Variants in FGF13 observed in about 807,000 individuals in gnomAD.
The protein encoded by FGF13 is fibroblast growth factor homologous factor 2.
In FGF13, 2 loss-of-function variants were observed where a neutral mutation model predicts 19.5. That is an observed-to-expected ratio of 0.10 (90% CI 0.04 to 0.32). The LOEUF (loss-of-function observed/expected upper bound fraction) is 0.32, where lower values mean the gene tolerates loss of function less well. Among genes scored for constraint, FGF13 ranks in the 10% least tolerant of loss-of-function variants. FGF13 has a pLI of 1.00. For synonymous variants in FGF13, 72 were observed against 76.9 expected (o/e 0.94, Z 0.33); for missense variants, 113 against 192.7 (o/e 0.59, Z 2.45).
At chrX:138,783,737 C>A (rs2124363038) in intron 3 of FGF13, among the ~76,000 whole-genome samples, 1 of 106,857 alleles carries the variant, frequency 9.4e-6, no homozygotes, top group South Asian at 4.4e-4. Flanking sequence ...CTAGTTCAAC[C>A]ATTGTGGAAG....
chrX:138,758,169 C>T (rs983905068), intron 3 of FGF13, among the ~76,000 whole-genome samples: 2 of 111,301 alleles, frequency 1.8e-5, no homozygotes, highest in Non-Finnish European at 3.8e-5. Flanking sequence ...CCTACTACTA[C>T]ACTTCTTCCT....
intron 1 of FGF13, among the ~76,000 whole-genome samples, chrX:139,003,976 G>A (rs1023602536): frequency 1.6e-4 from 18 of 112,540 alleles, no homozygotes; most frequent in Non-Finnish European, 3.0e-4. Context: ...AGTGGATCCT[G>A]CACCGGGGCT....
At chrX:138,931,009 C>G (rs749568488) in intron 1 of FGF13, among the ~76,000 whole-genome samples, 15 of 112,545 alleles carry the variant, frequency 1.3e-4, no homozygotes, top group Non-Finnish European at 2.1e-4. Context: ...GAAATCAATT[C>G]TCTTCTGAAG....
intron 3 of FGF13, among the ~76,000 whole-genome samples, chrX:138,837,314 T>C (rs778681204): frequency 1.8e-5 from 2 of 110,887 alleles, no homozygotes; most frequent in African/African-American, 3.3e-5. Flanking sequence ...GCCCCTACCA[T>C]TGGGAGCTGC....
chrX:138,738,491 A>G (rs1310453909), intron 1 of FGF13, among the ~76,000 whole-genome samples: 1 of 111,756 alleles, frequency 8.9e-6, no homozygotes, highest in Admixed American at 9.5e-5. Context: ...CACTCCTCCA[A>G]AAGAATCCCT....
chrX:138,959,084 T>C (rs907668229), intron 1 of FGF13, among the ~76,000 whole-genome samples: 2 of 111,898 alleles, frequency 1.8e-5, no homozygotes, highest in African/African-American at 3.2e-5. Context: ...TGTTTGCTCT[T>C]GCTTCTCTAG....
rs144826465 is a variant in FGF13 at position 138,649,887 on chromosome X, A to G, written c.403-14232T>C. Among the ~76,000 whole-genome samples the G allele has an allele frequency of 8.9e-4, 100 of 112,348 alleles. 1 individual carries two copies. In the East Asian group the frequency reaches 0.023, roughly 26 times the overall value. On this transcript the variant is annotated intron_variant, in intron 3 of 4. Coordinates refer to ENST00000315930, the MANE Select transcript of FGF13 (RefSeq NM_004114.5). ...TTTGTTGTTTAGCAGAATGTGTGGT[A>G]TCACCTCTGGCTGACTTATGAAGAC...
chrX:138,728,856 A>G (rs1390832501), intron 1 of FGF13, among the ~76,000 whole-genome samples: 1 of 111,231 alleles, frequency 9.0e-6, no homozygotes, highest in East Asian at 2.9e-4. Context: ...TGGCGTTAAG[A>G]GAACAGAGAC....
intron 1 of FGF13, among the ~76,000 whole-genome samples, chrX:138,959,986 C>T (rs949727190): frequency 8.0e-5 from 9 of 112,002 alleles, no homozygotes; most frequent in Admixed American, 2.8e-4. Context: ...ATTTGCCAGT[C>T]TGTGTCTTTT....
At chrX:139,044,652 G>C (rs1030826313) in intron 1 of FGF13, among the ~76,000 whole-genome samples, 2 of 110,436 alleles carry the variant, frequency 1.8e-5, no homozygotes, top group African/African-American at 6.6e-5. Flanking sequence ...ACTCATTCCA[G>C]CATTAAAAAA....
intron 1 of FGF13, among the ~76,000 whole-genome samples, chrX:139,048,463 A>G (rs2092294589): frequency 9.0e-6 from 1 of 111,045 alleles, no homozygotes; most frequent in African/African-American, 3.3e-5. Flanking sequence ...AAACTTTAGA[A>G]TCATGATCTT....
intron 3 of FGF13, among the ~76,000 whole-genome samples, chrX:138,680,577 T>C (rs905897782): frequency 9.0e-6 from 1 of 111,428 alleles, no homozygotes; most frequent in African/African-American, 3.3e-5. Context: ...GAAAAGAATC[T>C]TTTTTTCCCC....
chrX:138,934,349 CT>C (rs1315420586), intron 1 of FGF13, among the ~76,000 whole-genome samples: 3 of 112,025 alleles, frequency 2.7e-5, no homozygotes, highest in Admixed American at 1.9e-4. Context: ...CCTTAAAAAG[CT>C]GATCAAGATA....
chrX:138,932,004 C>T (rs2091703712), intron 1 of FGF13, among the ~76,000 whole-genome samples: 1 of 110,250 alleles, frequency 9.1e-6, no homozygotes, highest in Non-Finnish European at 1.9e-5. Flanking sequence ...CAAACTATCC[C>T]CCCACCCCCC....
Position 138,711,363 on chromosome X carries a change from G to GA in FGF13, c.-361_-360insT, listed in dbSNP as rs2090046085. ...ACACCGTGCATGTCCAGCTGCTCCGGTCCGAATTTCGCCGGACCCCCTCGC... is the reference window on the plus strand; with the variant it reads ...ACACCGTGCATGTCCAGCTGCTCCGGATCCGAATTTCGCCGGACCCCCTCGC... On this transcript the variant is annotated 5_prime_UTR_variant, in exon 1 of 5. Transcript: ENST00000315930. The GA allele has an allele frequency of 1.5e-5, 7 of 451,873 alleles. No homozygotes were observed. In the South Asian group the frequency reaches 8.2e-4, roughly 53 times the overall value. 37.2% of individuals were successfully genotyped at this position (451,873 alleles called of 1,213,427 possible).
At position 139,118,256 on chromosome X, in the gene FGF13, A is replaced by G. The variant is rs774367195; in HGVS notation, c.-113+85160T>C. Among the ~76,000 whole-genome samples, 7 of 112,310 alleles carry G rather than the reference A, an allele frequency of 6.2e-5. No homozygotes were observed. The South Asian group carries it at 2.3e-3, about 36-fold the overall frequency. ...GGGGTTACAGCCCAATAAAGTCAACATAAGTCGAAAATATTGTAAGTCAAA... is the reference window on the plus strand; with the variant it reads ...GGGGTTACAGCCCAATAAAGTCAACGTAAGTCGAAAATATTGTAAGTCAAA... On this transcript the variant is annotated intron_variant, in intron 1 of 2. Coordinates refer to the FGF13 transcript ENST00000421460.
At chrX:139,013,553 T>TA (rs1288884788) in intron 1 of FGF13, among the ~76,000 whole-genome samples, 4 of 95,724 alleles carry the variant, frequency 4.2e-5, no homozygotes, top group Non-Finnish European at 8.1e-5. Context: ...TATTCAGCCA[T>TA]AAAAAGGAAT....
At chrX:139,100,496 C>G (rs1180329784) in intron 1 of FGF13, among the ~76,000 whole-genome samples, 1 of 109,902 alleles carries the variant, frequency 9.1e-6, no homozygotes, top group African/African-American at 3.3e-5. Context: ...TGATCTGAAG[C>G]CCAAACCCCA....
intron 1 of FGF13, among the ~76,000 whole-genome samples, chrX:139,000,175 G>C (rs1269474498): frequency 1.8e-5 from 2 of 111,648 alleles, no homozygotes; most frequent in East Asian, 5.6e-4. Flanking sequence ...AGTTATTTTT[G>C]GAATGTATCT....
Sources: gnomAD v4.1 joint callset for allele counts (sites outside exome capture counted in the v4.1 genomes callset) on GRCh38, gnomAD v4.1.1 for gene constraint, MANE v1.5 for transcripts, NCBI Gene and HGNC (gene_info 2026-07-23, HGNC 2026-07-21) for gene names.